The following ARHGEF10 variants were observed in gnomAD, a reference collection of about 807,000 sequenced individuals.
The protein encoded by ARHGEF10 is Rho guanine nucleotide exchange factor 10.
In ARHGEF10, 140 loss-of-function variants were observed where a neutral mutation model predicts 147.4. The ratio of observed to expected loss-of-function variants is 0.95; its 90% CI spans 0.83 to 1.09. ARHGEF10 has a LOEUF of 1.09. ARHGEF10 is among the 50% of genes least tolerant of loss of function. The pLI is 0.00. For synonymous variants in ARHGEF10, 902 were observed against 695.8 expected (o/e 1.30, Z -4.67); for missense variants, 2,222 against 1,752.7 (o/e 1.27, Z -4.78).
At chr8:1,909,065 G>A (rs1406818078) in intron 17 of ARHGEF10, among the ~76,000 whole-genome samples, 5 of 152,190 alleles carry the variant, frequency 3.3e-5, no homozygotes, top group East Asian at 1.9e-4. Flanking sequence ...CGGGAGATCC[G>A]TCCCCTGTGC....
At chr8:1,825,943 C>A in intron 1 of ARHGEF10, 1 of 640,634 alleles carries the variant, frequency 1.6e-6, no homozygotes. Context: ...TTTTGAACAC[C>A]TGCTTTATAG....
In ARHGEF10 at chr8:1,947,783, C is replaced by T. The variant is rs552765511; in HGVS notation, c.3397+2128C>T. Among the ~76,000 whole-genome samples the T allele has an allele frequency of 2.0e-5, 3 of 149,708 alleles. No individual in the cohort carries two copies. In the South Asian group the frequency reaches 6.5e-4, roughly 33 times the overall value. On this transcript the variant is annotated intron_variant, in intron 27 of 28. Transcript: ENST00000349830. Reference sequence around the variant, plus strand: ...CATACCCCACCCCGCTGTCAGCTGCCTCTCCCGCCCGCCTCCCTACTGCTG... The same window carrying T: ...CATACCCCACCCCGCTGTCAGCTGCTTCTCCCGCCCGCCTCCCTACTGCTG...
chr8:1,841,559 G>A (rs1471277031), intron 1 of ARHGEF10, among the ~76,000 whole-genome samples: 1 of 152,160 alleles, frequency 6.6e-6, no homozygotes, highest in Non-Finnish European at 1.5e-5. Context: ...GCCACAGTGG[G>A]CCATGTTGAG....
At chr8:1,871,305 A>T (rs1001652018) in intron 7 of ARHGEF10, among the ~76,000 whole-genome samples, 2 of 152,096 alleles carry the variant, frequency 1.3e-5, no homozygotes, top group African/African-American at 4.8e-5. Context: ...AATGCCAAAG[A>T]ATGGATGTTC....
Position 1,880,251 on chromosome 8 carries a change from A to C in ARHGEF10, c.960+87A>C. ...CGGCTCGGTCGGTCCTTGCTGTCTC[A>C]ACAGCGGTTCTCAAAGGGTGGTCCG... is the stretch of plus-strand genomic sequence containing the variant. On this transcript the variant is annotated intron_variant, in intron 9 of 28. Coordinates refer to ENST00000349830, the MANE Select transcript of ARHGEF10 (RefSeq NM_014629.4). 3 of 924,962 alleles carry C rather than the reference A, an allele frequency of 3.2e-6. No individual in the cohort carries two copies. In the South Asian group the frequency reaches 3.9e-5, roughly 12 times the overall value. The allele number at this position is 924,962 out of a possible 1,614,324, so 57.3% of individuals were successfully genotyped here. A position where few individuals can be genotyped will look rare whatever the true frequency, so the allele number is the denominator to read the frequency against.
chr8:1,942,003 T>C (rs1431849810), intron 26 of ARHGEF10, among the ~76,000 whole-genome samples: 1 of 152,090 alleles, frequency 6.6e-6, no homozygotes, highest in African/African-American at 2.4e-5. Context: ...AAGCTAAAAC[T>C]ATAAACACCT....
intron 1 of ARHGEF10, among the ~76,000 whole-genome samples, chr8:1,839,517 A>G (rs1202540750): frequency 2.0e-5 from 2 of 100,472 alleles, no homozygotes; most frequent in Admixed American, 1.1e-4. Context: ...CCGGTGTGGA[A>G]GCTGTCCGAT....
rs1333137830 is a variant in ARHGEF10, at chr8:1,879,271, C to T, written c.844-777C>T. 3.9e-5 allele frequency among the ~76,000 whole-genome samples: 6 copies of T among 152,256 alleles called. No individual in the cohort carries two copies. The South Asian group carries it at 1.2e-3, about 32-fold the overall frequency. ...TCCCGTCAGTTAGAGAGAAAGTGAT[C>T]TCAGGTTGGAGACCCTTGAAAATCC... On this transcript the variant is annotated intron_variant, in intron 8 of 28. Transcript: ENST00000349830.
intron 1 of ARHGEF10, among the ~76,000 whole-genome samples, chr8:1,829,976 C>T (rs544706670): frequency 2.6e-5 from 4 of 152,260 alleles, no homozygotes; most frequent in African/African-American, 9.6e-5. Flanking sequence ...TCATAGGTAG[C>T]GGTAGCAAGA....
At chr8:1,871,766 G>A (rs1213683544) in intron 7 of ARHGEF10, among the ~76,000 whole-genome samples, 2 of 152,122 alleles carry the variant, frequency 1.3e-5, no homozygotes, top group Admixed American at 1.3e-4. Context: ...GCGGTGAGCC[G>A]AGGTTGCACC....
chr8:1,935,855 G>C (rs890331250), intron 26 of ARHGEF10, among the ~76,000 whole-genome samples: 3 of 152,224 alleles, frequency 2.0e-5, no homozygotes, highest in Non-Finnish European at 4.4e-5. Context: ...CTCCTTGTGG[G>C]TGTTCCTAAA....
At chr8:1,938,465 G>T (rs1024290339) in intron 26 of ARHGEF10, among the ~76,000 whole-genome samples, 1 of 152,226 alleles carries the variant, frequency 6.6e-6, no homozygotes, top group Non-Finnish European at 1.5e-5. Context: ...GAAGGAAAGA[G>T]AGGAAAAAGG....
At chr8:1,897,298 G>A (rs546462350) in intron 14 of ARHGEF10, among the ~76,000 whole-genome samples, 1 of 152,386 alleles carries the variant, frequency 6.6e-6, no homozygotes, top group East Asian at 1.9e-4. Context: ...TCCTCCTGGA[G>A]CACAGTCTGT....
chr8:1,920,034 G>T (rs1420320999), intron 18 of ARHGEF10, among the ~76,000 whole-genome samples: 19 of 148,696 alleles, frequency 1.3e-4, no homozygotes, highest in Middle Eastern at 3.5e-3. Context: ...GCTGTTCTAT[G>T]GGTGATGGAG....
At chr8:1,842,190 G>A (rs1243660833) in intron 1 of ARHGEF10, among the ~76,000 whole-genome samples, 3 of 151,940 alleles carry the variant, frequency 2.0e-5, no homozygotes, top group Admixed American at 2.0e-4. Flanking sequence ...CAGGTTCAGG[G>A]CTGGGAATAC....
chr8:1,893,378 G>T (rs1809706828), intron 11 of ARHGEF10, among the ~76,000 whole-genome samples, 191 bp from the exon 12 acceptor site: 1 of 152,134 alleles, frequency 6.6e-6, no homozygotes, highest in Non-Finnish European at 1.5e-5. Flanking sequence ...TGAGGTTTAA[G>T]ACATTATATA....
intron 1 of ARHGEF10, among the ~76,000 whole-genome samples, chr8:1,833,612 C>G (rs1409070175): frequency 6.6e-6 from 1 of 152,218 alleles, no homozygotes; most frequent in Non-Finnish European, 1.5e-5. Context: ...GCTCACCATG[C>G]TCTCTGGTCT....
chr8:1,901,825 G>C (rs573744865), intron 15 of ARHGEF10, among the ~76,000 whole-genome samples: 6 of 152,210 alleles, frequency 3.9e-5, no homozygotes, highest in African/African-American at 1.4e-4. Flanking sequence ...CAAATGTATA[G>C]AATAGTTTAT....
Position 1,832,178 on chromosome 8 carries a change from A to C in ARHGEF10, c.-48+8065A>C, listed in dbSNP as rs546252516. Among the ~76,000 whole-genome samples, 5 of 152,282 alleles carry C rather than the reference A, an allele frequency of 3.3e-5. No individual in the cohort carries two copies. The South Asian group carries it at 1.0e-3, about 32-fold the overall frequency. On this transcript the variant is annotated intron_variant, in intron 1 of 28. Transcript: ENST00000349830. ...GCAGTCGAATCACCACGCTGCTCCA[A>C]GGGAGTCTCCCAAGGGCTCCAAGGG...
Sources: allele counts gnomAD v4.1 joint callset (sites outside exome capture counted in the v4.1 genomes callset), GRCh38; gene constraint gnomAD v4.1.1; transcripts MANE v1.5; gene names NCBI Gene and HGNC (gene_info 2026-07-23, HGNC 2026-07-21).